Variants in GSG1L observed in about 807,000 individuals in gnomAD.
The protein encoded by GSG1L is GSG1 like.
GSG1L carries 24 observed loss-of-function variants against 42.1 expected under a neutral mutation model. The observed-to-expected ratio is 0.57, with a 90% CI of 0.41 to 0.80. The LOEUF (loss-of-function observed/expected upper bound fraction) is 0.80. Among genes scored for constraint, GSG1L ranks in the 30% least tolerant of loss-of-function variants. GSG1L has a pLI of 0.00. For synonymous variants in GSG1L, 215 were observed against 203.5 expected, an observed-to-expected ratio of 1.06 and a Z score of -0.48; for missense variants, 445 against 472.2, an observed-to-expected ratio of 0.94 and a Z score of 0.53.
chr16:27,828,417 G>A (rs1051245139), intron 5 of GSG1L, among the ~76,000 whole-genome samples: 1 of 152,202 alleles, frequency 6.6e-6, no homozygotes, highest in African/African-American at 2.4e-5. Flanking sequence ...CAATCCCACA[G>A]CTGGGTCCTC....
chr16:28,051,313 G>A (rs951675720), intron 1 of GSG1L, among the ~76,000 whole-genome samples: 2 of 152,164 alleles, frequency 1.3e-5, no homozygotes, highest in African/African-American at 4.8e-5. Context: ...AGGGCTCCAG[G>A]TTCTGGTGCC....
intron 1 of GSG1L, among the ~76,000 whole-genome samples, chr16:28,054,323 GC>G (rs1353245387): frequency 8.5e-5 from 13 of 152,148 alleles, no homozygotes; most frequent in Non-Finnish European, 1.8e-4. Context: ...AAGGGACCCT[GC>G]CCCCTCCAGG....
intron 2 of GSG1L, among the ~76,000 whole-genome samples, chr16:27,946,581 G>GAAAGAA (rs773842749): frequency 5.9e-3 from 160 of 27,324 alleles, no homozygotes; most frequent in Non-Finnish European, 7.6e-3. Context: ...AAGAAAGAAA[G>GAAAGAA]AGAGAGAGAG....
At chr16:28,024,563 C>T (rs1410924753) in intron 1 of GSG1L, among the ~76,000 whole-genome samples, 1 of 152,156 alleles carries the variant, frequency 6.6e-6, no homozygotes, top group African/African-American at 2.4e-5. Flanking sequence ...GGGTGGCCTT[C>T]GCTGTTGAGG....
At chr16:27,906,764 G>T (rs2084325418) in intron 2 of GSG1L, among the ~76,000 whole-genome samples, 1 of 152,076 alleles carries the variant, frequency 6.6e-6, no homozygotes, top group African/African-American at 2.4e-5. Flanking sequence ...CCTAGCAGCG[G>T]TCTCATTTTG....
chr16:27,979,337 G>A (rs1255895628), intron 1 of GSG1L, among the ~76,000 whole-genome samples: 2 of 151,862 alleles, frequency 1.3e-5, no homozygotes, highest in African/African-American at 2.4e-5. Flanking sequence ...AGGCCGAGAC[G>A]GGTGGATCAC....
chr16:27,791,311 T>G lies in GSG1L; in HGVS notation c.*59A>C. On this transcript the variant is annotated 3_prime_UTR_variant, in exon 7 of 7. Coordinates refer to ENST00000447459, the MANE Select transcript of GSG1L (RefSeq NM_001109763.2). ...TCTGGGGGCACCACTCTGGTGGTCT[T>G]GCAGCAGGGGCTGGTGCCAGCGATG... The G allele has an allele frequency of 8.7e-7, 1 of 1,148,318 alleles. No homozygotes were observed. Among genetic ancestry groups the G allele is most frequent in the Non-Finnish European group, 1.2e-6 (1 of 855,838 alleles). The allele number at this position is 1,148,318 out of a possible 1,614,324, so 71.1% of individuals were successfully genotyped here.
intron 1 of GSG1L, among the ~76,000 whole-genome samples, chr16:28,038,814 T>G (rs1400244156): frequency 2.0e-5 from 3 of 152,230 alleles, no homozygotes. Flanking sequence ...TTCACCTTCA[T>G]GGCATCCCTT....
Position 27,884,440 on chromosome 16 carries a change from T to A in GSG1L, c.550+46A>T. Reference sequence around the variant, plus strand: ...AGGGCTTACTCCAAGGGCAGCACCCTTTCTCGCCTGTGCTCTGAGAGGCCA... The same window carrying A: ...AGGGCTTACTCCAAGGGCAGCACCCATTCTCGCCTGTGCTCTGAGAGGCCA... On this transcript the variant is annotated intron_variant, in intron 3 of 6. Coordinates refer to ENST00000447459, the MANE Select transcript of GSG1L (RefSeq NM_001109763.2). The surrounding 1 kb of genome is among the most constrained non-coding windows in gnomAD (Gnocchi z 4.4). 1 of 1,577,156 alleles carries A rather than the reference T, an allele frequency of 6.3e-7. No homozygotes were observed. The highest frequency in any genetic ancestry group is 8.6e-7 in the Non-Finnish European group (1 of 1,157,844).
At chr16:27,875,325 C>T (rs1475925639) in intron 3 of GSG1L, among the ~76,000 whole-genome samples, 1 of 152,082 alleles carries the variant, frequency 6.6e-6, no homozygotes, top group Non-Finnish European at 1.5e-5. Flanking sequence ...GGACTGAGCC[C>T]CAGTGGCCCA....
rs71140920 is a variant in GSG1L at position 27,898,674 on chromosome 16, TTC to T, written c.398-14038_398-14037del. Among the ~76,000 whole-genome samples the T allele has an allele frequency of 2.6e-3, 383 of 147,620 alleles. 2 individuals are homozygous for T. Among genetic ancestry groups the T allele is most frequent in the Middle Eastern group, 0.01 (3 of 288 alleles). Reference sequence around the variant, plus strand: ...TTTCTGCCTCTCTCTTCCTCCCTCTTTCTCTCTCTCTCTCTCTCTCTCTGTCT... The same window carrying T: ...TTTCTGCCTCTCTCTTCCTCCCTCTTTCTCTCTCTCTCTCTCTCTCTGTCT... On this transcript the variant is annotated intron_variant, in intron 2 of 6. Coordinates refer to ENST00000447459, the MANE Select transcript of GSG1L (RefSeq NM_001109763.2).
At chr16:28,007,512 TTGG>T (rs60449443) in intron 1 of GSG1L, among the ~76,000 whole-genome samples, 64,343 of 129,894 alleles carry the variant, frequency 0.5, 14,551 homozygotes, top group African/African-American at 0.65. Context: ...GGTTGGTTGG[TTGG>T]TGGTTGGTTG....
chr16:27,939,122 A>T (rs964878055), intron 2 of GSG1L, among the ~76,000 whole-genome samples: 1 of 148,060 alleles, frequency 6.8e-6, no homozygotes, highest in African/African-American at 2.5e-5. Context: ...TTCCAGCTGA[A>T]TTTTTTTTTT....
intron 1 of GSG1L, among the ~76,000 whole-genome samples, chr16:27,966,633 C>A (rs1397448626): frequency 6.6e-6 from 1 of 152,184 alleles, no homozygotes; most frequent in Non-Finnish European, 1.5e-5. Context: ...TTCAGTCTTT[C>A]CTCCCAGGCC....
intron 2 of GSG1L, among the ~76,000 whole-genome samples, chr16:27,889,474 G>T (rs1157452273): frequency 2.0e-5 from 3 of 152,170 alleles, no homozygotes; most frequent in Non-Finnish European, 4.4e-5. Context: ...TCAAAAAGGA[G>T]GATGTTGATG....
chr16:27,913,845 T>C (rs28542857), intron 2 of GSG1L, among the ~76,000 whole-genome samples: 2 of 147,478 alleles, frequency 1.4e-5, no homozygotes, highest in Non-Finnish European at 1.5e-5. Context: ...TATTTTAAAA[T>C]TTTTTTCTAC....
intron 1 of GSG1L, among the ~76,000 whole-genome samples, chr16:28,034,342 T>C (rs192506406): frequency 1.1e-3 from 174 of 151,812 alleles, no homozygotes; most frequent in African/African-American, 4.1e-3. Flanking sequence ...GGTCTGGGCA[T>C]TGGGATTCAA....
intron 1 of GSG1L, among the ~76,000 whole-genome samples, chr16:27,972,277 G>A (rs556088185): frequency 1.3e-5 from 2 of 152,352 alleles, no homozygotes; most frequent in South Asian, 4.1e-4. Context: ...GCAGGTCAAC[G>A]CTGAGGTTTA....
intron 1 of GSG1L, among the ~76,000 whole-genome samples, chr16:28,021,645 G>A (rs1244600944): frequency 6.6e-6 from 1 of 152,136 alleles, no homozygotes; most frequent in African/African-American, 2.4e-5. Context: ...TCAGATAGTA[G>A]ATAAGACCCC....
Sources: gnomAD v4.1 joint callset for allele counts (sites outside exome capture counted in the v4.1 genomes callset) on GRCh38, gnomAD v4.1.1 for gene constraint, Gnocchi (gnomAD v3.1) non-coding constraint, MANE v1.5 for transcripts, NCBI Gene and HGNC (gene_info 2026-07-23, HGNC 2026-07-21) for gene names.